Variants in TUT4 observed in about 807,000 individuals in gnomAD.
The protein encoded by TUT4 is terminal uridylyltransferase 4.
Under a neutral mutation model 192.2 loss-of-function variants are expected in TUT4, and 36 were observed. That is an observed-to-expected ratio of 0.19 (90% CI 0.14 to 0.25). The LOEUF (loss-of-function observed/expected upper bound fraction) is 0.25. TUT4 is among the 10% of genes least tolerant of loss of function. The pLI, the probability that TUT4 is intolerant of heterozygous loss-of-function variation, is 1.00. For missense variants in TUT4, 1,493 were observed against 1,957.2 expected (o/e 0.76, Z 4.47); for synonymous variants, 618 against 666.0 (o/e 0.93, Z 1.11).
At chr1:52,524,641 A>T (rs932428010) in intron 2 of TUT4, among the ~76,000 whole-genome samples, 1 of 152,126 alleles carries the variant, frequency 6.6e-6, no homozygotes, top group African/African-American at 2.4e-5. Context: ...TCCCGTCTCT[A>T]CTAAAAATAA....
rs150897182 is a variant in TUT4, at chr1:52,525,885, T to C, written c.396A>G (p.Pro132=). 8 of 1,614,092 alleles carry C rather than the reference T, an allele frequency of 5.0e-6. No individual in the cohort carries two copies. The African/African-American group carries it at 9.3e-5, about 19-fold the overall frequency. The stretch of plus-strand genomic sequence containing the variant: ...CTGCTTTCACTGAATTAGGTGACTT[T>C]GGTGATTTTTCTGCTTTTGCCTGTA... ...TSLQAKAEKS[P]KSPNSVKAEK... Residue 132 remains proline (P), a synonymous_variant, in exon 2 of 30, where the codon CCA becomes CCG. Transcript: ENST00000257177.
intron 16 of TUT4, 48 bp downstream of exon 16, chr1:52,465,022 G>T: frequency 7.1e-7 from 1 of 1,416,380 alleles, no homozygotes; most frequent in African/African-American, 1.5e-5. Flanking sequence ...ACATAGAATC[G>T]TCATTGGGAG....
intron 15 of TUT4, among the ~76,000 whole-genome samples, chr1:52,465,849 C>G (rs757494641): frequency 6.8e-4 from 104 of 151,982 alleles, no homozygotes; most frequent in Non-Finnish European, 1.1e-3. Context: ...TGTGGTTTAA[C>G]AGAATTGGAT....
intron 1 of TUT4, among the ~76,000 whole-genome samples, chr1:52,532,910 C>T (rs548160821): frequency 7.9e-5 from 12 of 152,320 alleles, no homozygotes; most frequent in African/African-American, 2.9e-4. Flanking sequence ...GTTCTCACTT[C>T]CTCATGCTCT....
chr1:52,527,042 C>G (rs188633185), intron 1 of TUT4, among the ~76,000 whole-genome samples: 73 of 151,974 alleles, frequency 4.8e-4, no homozygotes, highest in African/African-American at 1.4e-3. Flanking sequence ...GATGGAGAAT[C>G]CCAATCTTTA....
intron 25 of TUT4, 36 bp downstream of exon 25, chr1:52,438,184 T>A: frequency 6.5e-7 from 1 of 1,547,782 alleles, no homozygotes; most frequent in South Asian, 1.1e-5. Flanking sequence ...TCTCATTTAT[T>A]TTCCTCAAAA....
intron 24 of TUT4, among the ~76,000 whole-genome samples, chr1:52,440,253 T>C (rs1557657080): frequency 6.6e-6 from 1 of 152,130 alleles, no homozygotes; most frequent in Non-Finnish European, 1.5e-5. Context: ...GCACAGTGAA[T>C]TGTATATAAT....
In TUT4 at chr1:52,436,814, T is replaced by C; in HGVS notation, c.4103A>G (p.His1368Arg). ...LRCFICGDAGHVRRECPEVKL... is the reference protein window; with the variant it reads ...LRCFICGDAGRVRRECPEVKL... The stretch of plus-strand genomic sequence containing the variant: ...GACCTCTGGGCACTCCCTTCGTACA[T>C]GTCCAGCATCTCCACATATAAAACA... The change falls in exon 26 of 30, where the codon CAT becomes CGT. Residue 1368 changes from histidine (H) to arginine (R), a missense_variant. By Grantham distance (29) the His-to-Arg change is conservative (BLOSUM62 0). This residue lies in a region of TUT4 where 351 missense variants were observed against 397.8 expected (regional missense o/e 0.88). Coordinates refer to ENST00000257177, the MANE Select transcript of TUT4 (RefSeq NM_001009881.3). The C allele has an allele frequency of 6.2e-7, 1 of 1,613,994 alleles. No homozygotes were observed. Among genetic ancestry groups the C allele is most frequent in the Non-Finnish European group, 8.5e-7 (1 of 1,180,028 alleles).
chr1:52,531,487 T>G (rs1683404047), intron 1 of TUT4, among the ~76,000 whole-genome samples: 1 of 152,182 alleles, frequency 6.6e-6, no homozygotes, highest in Non-Finnish European at 1.5e-5. Context: ...CATGAGATTC[T>G]CAAGTCTATG....
intron 2 of TUT4, among the ~76,000 whole-genome samples, chr1:52,518,696 G>C (rs1362431401): frequency 7.9e-5 from 12 of 152,142 alleles, no homozygotes; most frequent in African/African-American, 2.9e-4. Flanking sequence ...GACACTAAAT[G>C]AAAGCCAGAC....
Position 52,516,029 on chromosome 1 carries a change from A to G in TUT4, c.744T>C (p.Asn248=), listed in dbSNP as rs778849436. ...DLSKMKNDES[N]KENSSEMDYL... is the part of the protein sequence containing the mutation. ...AGTCCATCTCTGAAGAATTTTCTTT[A>G]TTAGATTCATCATTCTTCATTTTAC... is the stretch of plus-strand genomic sequence containing the variant. Residue 248 remains asparagine (N), a synonymous_variant, in exon 3 of 30, where the codon AAT becomes AAC. Coordinates refer to ENST00000257177, the MANE Select transcript of TUT4 (RefSeq NM_001009881.3). 3.7e-6 allele frequency: 6 copies of G among 1,613,222 alleles called. No individual in the cohort carries two copies. The highest frequency in any genetic ancestry group is 2.2e-5 in the South Asian group (2 of 90,974).
At chr1:52,543,859 C>A (rs1265572658) in intron 1 of TUT4, among the ~76,000 whole-genome samples, 1 of 152,114 alleles carries the variant, frequency 6.6e-6, no homozygotes, top group African/African-American at 2.4e-5. Flanking sequence ...ATTCCAATGA[C>A]ATTTTTTGCA....
chr1:52,546,577 A>G (rs982049507), intron 1 of TUT4, among the ~76,000 whole-genome samples: 1 of 152,232 alleles, frequency 6.6e-6, no homozygotes, highest in African/African-American at 2.4e-5. Flanking sequence ...TTTCAGTTTT[A>G]TAAGATGAAA....
chr1:52,468,714 C>T (rs962107911), intron 14 of TUT4, among the ~76,000 whole-genome samples: 2 of 152,146 alleles, frequency 1.3e-5, no homozygotes, highest in Non-Finnish European at 2.9e-5. Flanking sequence ...AACTGTTTTG[C>T]CTAACCACAG....
intron 1 of TUT4, among the ~76,000 whole-genome samples, chr1:52,529,170 C>T (rs933319544): frequency 1.3e-5 from 2 of 151,850 alleles, no homozygotes. Context: ...CAGTTGGAGT[C>T]TAGCAAAGTA....
In TUT4 at chr1:52,516,058, G is replaced by C. The variant is rs1459884233; in HGVS notation, c.719-4C>G. On this transcript the variant is annotated splice_region_variant and splice_polypyrimidine_tract_variant and intron_variant, in intron 2 of 29. Transcript: ENST00000257177. Reference sequence around the variant, plus strand: ...GATTCATCATTCTTCATTTTACCTAGAAAAGAAAGCAATCACTCAGTTATC... The same window carrying C: ...GATTCATCATTCTTCATTTTACCTACAAAAGAAAGCAATCACTCAGTTATC... 6.2e-7 allele frequency: 1 copy of C among 1,610,698 alleles called. No individual in the cohort carries two copies.
At chr1:52,460,490 GAACAAC>G (rs1303178829) in intron 19 of TUT4, among the ~76,000 whole-genome samples, 2 of 151,694 alleles carry the variant, frequency 1.3e-5, no homozygotes, top group African/African-American at 4.8e-5. Context: ...TCAACAACAG[GAACAAC>G]AACAACAACA....
chr1:52,485,812 T>C (rs1669648307), intron 9 of TUT4, among the ~76,000 whole-genome samples: 2 of 152,078 alleles, frequency 1.3e-5, no homozygotes, highest in East Asian at 3.8e-4. Context: ...TATATTTCAT[T>C]TGCTTATATT....
At position 52,481,482 on chromosome 1, in the gene TUT4, C is replaced by A; in HGVS notation, c.1789G>T (p.Asp597Tyr). The change falls in exon 11 of 30, where the codon GAT (aspartate) becomes TAT (tyrosine). Residue 597 changes from aspartate (D) to tyrosine (Y), a missense_variant. Around this residue, in one of 7 missense-constraint regions of TUT4, gnomAD observed 437 missense variants for 577.6 expected, o/e 0.76. Transcript: ENST00000257177. ...NKAKADQPKD[D>Y]TKKTETDNQS... The stretch of plus-strand genomic sequence containing the variant: ...TTGTCTGTTTCTGTCTTCTTGGTAT[C>A]ATCTTTTGGTTGGTCTGCCTTAGCT... 1.2e-6 allele frequency: 2 copies of A among 1,613,966 alleles called. No individual in the cohort carries two copies. The highest frequency in any genetic ancestry group is 1.7e-6 in the Non-Finnish European group (2 of 1,179,970).
Sources: allele counts gnomAD v4.1 joint callset (sites outside exome capture counted in the v4.1 genomes callset), GRCh38; gene constraint gnomAD v4.1.1; regional missense constraint gnomAD v4.1.1; transcripts MANE v1.5; gene names NCBI Gene and HGNC (gene_info 2026-07-23, HGNC 2026-07-21).